Variants in CLEC16A observed in about 807,000 individuals in gnomAD.
CLEC16A encodes protein CLEC16A.
CLEC16A carries 51 observed loss-of-function variants against 109.5 expected under a neutral mutation model. The observed-to-expected ratio is 0.47, with a 90% confidence interval of 0.37 to 0.59. The LOEUF (loss-of-function observed/expected upper bound fraction) is 0.59. Among genes scored for constraint, CLEC16A ranks in the 20% least tolerant of loss-of-function variants. The pLI is 0.00. For missense variants in CLEC16A, 1,339 were observed against 1,394.0 expected, an observed-to-expected ratio of 0.96 and a Z score of 0.63; for synonymous variants, 673 against 564.2, an observed-to-expected ratio of 1.19 and a Z score of -2.73.
At chr16:10,989,073 G>A (rs1422071437) in intron 10 of CLEC16A, among the ~76,000 whole-genome samples, 1 of 152,228 alleles carries the variant, frequency 6.6e-6, no homozygotes, top group African/African-American at 2.4e-5. Context: ...AGTAATAACA[G>A]TGATGATGAA....
chr16:11,158,920 A>AG (rs34089274), intron 22 of CLEC16A, among the ~76,000 whole-genome samples: 99,171 of 147,674 alleles, frequency 0.67, 33,695 homozygotes, highest in African/African-American at 0.78. Context: ...ACTCCAGCTC[A>AG]GGGAAAAAAA....
intron 12 of CLEC16A, among the ~76,000 whole-genome samples, chr16:11,022,376 C>A (rs1002936658): frequency 2.2e-5 from 3 of 135,746 alleles, no homozygotes; most frequent in Non-Finnish European, 4.6e-5. Flanking sequence ...AGACAGGATC[C>A]TACTATGTTG....
At chr16:11,107,300 A>G (rs2051283478) in intron 19 of CLEC16A, among the ~76,000 whole-genome samples, 1 of 152,016 alleles carries the variant, frequency 6.6e-6, no homozygotes, top group South Asian at 2.1e-4. Flanking sequence ...CTGGCAGTAG[A>G]AAGGTGCCAA....
rs138683623 is a variant in CLEC16A at position 10,974,387 on chromosome 16, A to G, written c.728+1326A>G. Among the ~76,000 whole-genome samples, 236 of 152,286 alleles carry G rather than the reference A, an allele frequency of 1.5e-3. 1 individual carries two copies. The highest frequency in any genetic ancestry group is 0.014 in the Middle Eastern group (4 of 294). On this transcript the variant is annotated intron_variant, in intron 7 of 23. Coordinates refer to ENST00000409790, the MANE Select transcript of CLEC16A (RefSeq NM_015226.3). ...GATTAGGATGGTGGTTTTGTCCTCA[A>G]AGGGATGATTAGAAGTTCCAGAGCA...
intron 17 of CLEC16A, among the ~76,000 whole-genome samples, chr16:11,048,885 T>G (rs1280078972): frequency 6.6e-6 from 1 of 152,116 alleles, no homozygotes; most frequent in African/African-American, 2.4e-5. Context: ...GTTTCCTGTT[T>G]GGAAATGTCA....
At chr16:11,157,858 A>G (rs2054590893) in intron 22 of CLEC16A, among the ~76,000 whole-genome samples, 2 of 152,076 alleles carry the variant, frequency 1.3e-5, no homozygotes, top group African/African-American at 4.8e-5. Context: ...CCCACTGAGT[A>G]GCTCCTAGCC....
At chr16:11,107,363 G>T (rs2051286936) in intron 19 of CLEC16A, among the ~76,000 whole-genome samples, 1 of 152,048 alleles carries the variant, frequency 6.6e-6, no homozygotes, top group Admixed American at 6.6e-5. Context: ...CCCTTTTCAT[G>T]CTGGGAAGGA....
At chr16:10,995,948 C>A (rs2044301629) in intron 10 of CLEC16A, among the ~76,000 whole-genome samples, 1 of 152,198 alleles carries the variant, frequency 6.6e-6, no homozygotes, top group South Asian at 2.1e-4. Context: ...TTGATTATCA[C>A]AACAGCTTTG....
At chr16:11,049,124 C>G (rs2047792954) in intron 17 of CLEC16A, among the ~76,000 whole-genome samples, 1 of 152,076 alleles carries the variant, frequency 6.6e-6, no homozygotes, top group South Asian at 2.1e-4. Flanking sequence ...TCTCCTGCCT[C>G]AGCCTCCCGA....
rs1429123961 is a variant in CLEC16A, at chr16:11,062,663, G to A, written c.2116+1641G>A. Among the ~76,000 whole-genome samples, 4 of 152,132 alleles carry A rather than the reference G, an allele frequency of 2.6e-5. No homozygotes were observed. The East Asian group carries it at 7.7e-4, about 29-fold the overall frequency. On this transcript the variant is annotated intron_variant, in intron 19 of 23. Coordinates refer to ENST00000409790, the MANE Select transcript of CLEC16A (RefSeq NM_015226.3). Reference sequence around the variant, plus strand: ...GTGAATGAGTATTGTGTGTTACCTGGTTGTCTGGTTTCTTTTTCTGGCCTT... The same window carrying A: ...GTGAATGAGTATTGTGTGTTACCTGATTGTCTGGTTTCTTTTTCTGGCCTT...
chr16:11,132,233 C>CG (rs1318586532), intron 22 of CLEC16A, among the ~76,000 whole-genome samples: 3 of 105,166 alleles, frequency 2.9e-5, no homozygotes, highest in Non-Finnish European at 6.3e-5. Context: ...ATCGCCCACC[C>CG]ACCCCCCCCG....
chr16:11,164,843 C>G (rs2054848637), intron 22 of CLEC16A, among the ~76,000 whole-genome samples: 1 of 152,234 alleles, frequency 6.6e-6, no homozygotes, highest in South Asian at 2.1e-4. Context: ...AAGGTGAGGT[C>G]AGGGCCTAGA....
intron 22 of CLEC16A, among the ~76,000 whole-genome samples, chr16:11,132,072 G>A (rs960444250): frequency 2.0e-5 from 3 of 152,254 alleles, no homozygotes; most frequent in East Asian, 3.9e-4. Context: ...TTTTAATTGA[G>A]GTGAAATTTA....
chr16:11,030,993 C>T (rs1160459389), intron 13 of CLEC16A, among the ~76,000 whole-genome samples: 1 of 152,234 alleles, frequency 6.6e-6, no homozygotes, highest in Admixed American at 6.5e-5. Context: ...TTTTCATTTT[C>T]ATAACAACAT....
At chr16:11,061,632 T>G (rs1344490695) in intron 19 of CLEC16A, among the ~76,000 whole-genome samples, 3 of 152,196 alleles carry the variant, frequency 2.0e-5, no homozygotes, top group Non-Finnish European at 4.4e-5. Context: ...GCTTTCTCTT[T>G]CCTCCATTTG....
At chr16:10,950,504 C>T (rs1379499253) in intron 1 of CLEC16A, among the ~76,000 whole-genome samples, 1 of 152,234 alleles carries the variant, frequency 6.6e-6, no homozygotes, top group Non-Finnish European at 1.5e-5. Flanking sequence ...CTATACCCTA[C>T]ACATCCCCGG....
At chr16:10,992,198 A>G (rs144869748) in intron 10 of CLEC16A, among the ~76,000 whole-genome samples, 2 of 152,280 alleles carry the variant, frequency 1.3e-5, no homozygotes, top group East Asian at 1.9e-4. Context: ...CTTCTGTGCA[A>G]TAGAACACCA....
At chr16:11,081,159 G>T (rs1304444371) in intron 19 of CLEC16A, among the ~76,000 whole-genome samples, 1 of 152,224 alleles carries the variant, frequency 6.6e-6, no homozygotes, top group Non-Finnish European at 1.5e-5. Context: ...CTCCTGCCCT[G>T]TCCTTGGCAG....
At chr16:11,048,744 C>T (rs2047768901) in intron 17 of CLEC16A, among the ~76,000 whole-genome samples, 1 of 152,216 alleles carries the variant, frequency 6.6e-6, no homozygotes, top group African/African-American at 2.4e-5. Flanking sequence ...CATCATTCCT[C>T]CAGCCCCTTC....
Sources: allele counts gnomAD v4.1 joint callset (sites outside exome capture counted in the v4.1 genomes callset), GRCh38; gene constraint gnomAD v4.1.1; transcripts MANE v1.5; gene names NCBI Gene and HGNC (gene_info 2026-07-23, HGNC 2026-07-21).